The following PTPRN2 variants were observed in gnomAD, a reference collection of about 807,000 sequenced individuals.
The protein encoded by PTPRN2 is receptor-type tyrosine-protein phosphatase N2.
A neutral mutation model predicts 118.8 loss-of-function variants in PTPRN2; 74 were observed. The observed-to-expected ratio is 0.62, with a 90% CI of 0.52 to 0.76. The LOEUF (loss-of-function observed/expected upper bound fraction) is 0.76, where lower values mean the gene tolerates loss of function less well. PTPRN2 is among the 30% of genes least tolerant of loss of function. PTPRN2 has a pLI of 0.00. For synonymous variants in PTPRN2, 641 were observed against 608.0 expected (o/e 1.05, Z -0.80); for missense variants, 1,481 against 1,394.4 (o/e 1.06, Z -0.99).
At chr7:157,872,545 G>A (rs940027166) in intron 12 of PTPRN2, among the ~76,000 whole-genome samples, 5 of 152,118 alleles carry the variant, frequency 3.3e-5, no homozygotes, top group African/African-American at 1.2e-4. Context: ...GATACCCAGT[G>A]CCTTCCCACG....
intron 2 of PTPRN2, among the ~76,000 whole-genome samples, chr7:158,485,671 C>A (rs540604983): frequency 6.6e-6 from 1 of 151,692 alleles, no homozygotes; most frequent in Admixed American, 6.6e-5. Context: ...CCTTTCTGAG[C>A]TCAAAGGGAA....
intron 1 of PTPRN2, among the ~76,000 whole-genome samples, chr7:158,586,858 G>T (rs1828960859): frequency 6.6e-6 from 1 of 152,150 alleles, no homozygotes; most frequent in African/African-American, 2.4e-5. Context: ...GCGCACCCAC[G>T]CCGGACCAGG....
intron 13 of PTPRN2, among the ~76,000 whole-genome samples, chr7:157,669,258 G>A (rs1376010930): frequency 6.6e-6 from 1 of 152,204 alleles, no homozygotes; most frequent in African/African-American, 2.4e-5. Flanking sequence ...TCAGGGCCCC[G>A]GCAGCCGAGC....
intron 3 of PTPRN2, among the ~76,000 whole-genome samples, chr7:158,295,301 C>T (rs111984466): frequency 8.1e-4 from 6 of 7,396 alleles, no homozygotes; most frequent in African/African-American, 8.6e-4. Flanking sequence ...TCCAAGCCCA[C>T]GGCACCCGCT....
chr7:158,089,987 T>C (rs1344613379), intron 10 of PTPRN2, among the ~76,000 whole-genome samples: 1 of 34,792 alleles, frequency 2.9e-5, no homozygotes, highest in African/African-American at 5.8e-5. Flanking sequence ...ACACAAACCC[T>C]TCCTCCCCTG....
chr7:158,150,025 C>A (rs557148136), intron 6 of PTPRN2, among the ~76,000 whole-genome samples: 1 of 152,118 alleles, frequency 6.6e-6, no homozygotes, highest in Non-Finnish European at 1.5e-5. Context: ...ATTTAGGTGG[C>A]GTAGTGTGGC....
At chr7:158,424,510 C>A (rs756700348) in intron 2 of PTPRN2, among the ~76,000 whole-genome samples, 4 of 152,204 alleles carry the variant, frequency 2.6e-5, no homozygotes, top group Non-Finnish European at 4.4e-5. Context: ...CTGACTCTCC[C>A]GATTCCTCTA....
At chr7:157,758,663 C>T (rs535532482) in intron 12 of PTPRN2, among the ~76,000 whole-genome samples, 2 of 152,326 alleles carry the variant, frequency 1.3e-5, no homozygotes, top group African/African-American at 2.4e-5. Flanking sequence ...CTGCATCCCG[C>T]GGTGTCCTTG....
At chr7:157,904,365 C>T (rs1046040711) in intron 11 of PTPRN2, among the ~76,000 whole-genome samples, 5 of 152,210 alleles carry the variant, frequency 3.3e-5, no homozygotes, top group South Asian at 2.1e-4. Context: ...CATATGCTCC[C>T]GGTGTCACTG....
chr7:157,672,734 C>G (rs914719477), intron 13 of PTPRN2, among the ~76,000 whole-genome samples: 3 of 152,230 alleles, frequency 2.0e-5, no homozygotes, highest in Non-Finnish European at 4.4e-5. Context: ...CTTGTAAACT[C>G]TTTTAATTGA....
At position 157,990,516 on chromosome 7, in the gene PTPRN2, C is replaced by T. The variant is rs561792993; in HGVS notation, c.1723+90782G>A. Among the ~76,000 whole-genome samples the T allele has an allele frequency of 3.5e-4, 53 of 152,306 alleles. No homozygotes were observed. Among genetic ancestry groups the T allele is most frequent in the Non-Finnish European group, 6.9e-4 (47 of 68,030 alleles). ...TCCATGCCACCATGCCCAACGGTCC[C>T]CGCCCTGCACCCACCTCTGGCAAGT... On this transcript the variant is annotated intron_variant, in intron 11 of 22. Transcript: ENST00000389418. This position sits in a 1 kb window ranked among gnomAD's most constrained non-coding sequence, Gnocchi z 4.3.
intron 2 of PTPRN2, among the ~76,000 whole-genome samples, chr7:158,439,001 A>G (rs1816779108): frequency 6.6e-6 from 1 of 152,212 alleles, no homozygotes; most frequent in Admixed American, 6.5e-5. Context: ...TTGCTTATGT[A>G]AAAATGCAGA....
At chr7:158,136,774 C>G (rs1419127093) in intron 7 of PTPRN2, 79 bp from the exon 8 acceptor site, 1 of 1,333,262 alleles carries the variant, frequency 7.5e-7, no homozygotes, top group African/African-American at 1.5e-5. Context: ...AAGGGTGACC[C>G]TGCAGACCCC....
chr7:158,327,084 C>T (rs1211623240), intron 2 of PTPRN2, among the ~76,000 whole-genome samples: 4 of 151,464 alleles, frequency 2.6e-5, no homozygotes, highest in Non-Finnish European at 1.5e-5. Flanking sequence ...CACATTCTCA[C>T]ATGCACTCAT....
chr7:157,625,864 T>C (rs749230330), intron 14 of PTPRN2, among the ~76,000 whole-genome samples: 1 of 152,134 alleles, frequency 6.6e-6, no homozygotes, highest in Non-Finnish European at 1.5e-5. Flanking sequence ...GTTACATAAA[T>C]AGCATATGTA....
chr7:158,189,122 G>A (rs1321889360), intron 5 of PTPRN2, among the ~76,000 whole-genome samples: 1 of 152,206 alleles, frequency 6.6e-6, no homozygotes, highest in Non-Finnish European at 1.5e-5. Flanking sequence ...ATCTACCAAA[G>A]ACCTTCACTC....
At chr7:158,268,202 C>T (rs981799972) in intron 3 of PTPRN2, among the ~76,000 whole-genome samples, 3 of 152,226 alleles carry the variant, frequency 2.0e-5, no homozygotes, top group African/African-American at 7.2e-5. Flanking sequence ...AGCATCAGAG[C>T]CGCGGCCGCA....
chr7:158,204,580 C>T (rs1400661494), intron 4 of PTPRN2, among the ~76,000 whole-genome samples: 2 of 152,110 alleles, frequency 1.3e-5, no homozygotes, highest in African/African-American at 4.8e-5. Flanking sequence ...CTCAGGAATC[C>T]GACAGTGCCA....
intron 3 of PTPRN2, among the ~76,000 whole-genome samples, chr7:158,236,666 C>T (rs536938037): frequency 1.3e-3 from 194 of 152,288 alleles, no homozygotes; most frequent in African/African-American, 4.4e-3. Flanking sequence ...CCCTGCCTGG[C>T]CCCCCAGTTA....
Sources: gnomAD v4.1 joint callset for allele counts (sites outside exome capture counted in the v4.1 genomes callset) on GRCh38, gnomAD v4.1.1 for gene constraint, Gnocchi (gnomAD v3.1) non-coding constraint, MANE v1.5 for transcripts, NCBI Gene and HGNC (gene_info 2026-07-23, HGNC 2026-07-21) for gene names.